The following ADAMTS3 variants were observed in gnomAD, a reference collection of about 807,000 sequenced individuals.
ADAMTS3 encodes the protein ADAM metallopeptidase with thrombospondin type 1 motif 3, also known as A disintegrin and metalloproteinase with thrombospondin motifs 3.
A neutral mutation model predicts 129.0 loss-of-function variants in ADAMTS3; 73 were observed. That is an observed-to-expected ratio of 0.57 (90% confidence interval 0.47 to 0.69). ADAMTS3 has a LOEUF of 0.69. Among genes scored for constraint, ADAMTS3 ranks in the 30% least tolerant of loss-of-function variants. The pLI, the probability that ADAMTS3 is intolerant of heterozygous loss-of-function variation, is 0.00. For missense variants in ADAMTS3, 1,457 were observed against 1,514.5 expected (o/e 0.96, Z 0.63); for synonymous variants, 477 against 510.8 (o/e 0.93, Z 0.89).
intron 3 of ADAMTS3, among the ~76,000 whole-genome samples, chr4:72,484,373 T>G (rs1719521336): frequency 6.6e-6 from 1 of 152,220 alleles, no homozygotes; most frequent in African/African-American, 2.4e-5. Flanking sequence ...ACATTTACCC[T>G]TTCAAAACTT....
intron 4 of ADAMTS3, among the ~76,000 whole-genome samples, chr4:72,398,181 A>G (rs1457335543): frequency 6.6e-6 from 1 of 152,202 alleles, no homozygotes; most frequent in African/African-American, 2.4e-5. Flanking sequence ...GATGAGAGCC[A>G]TGTTGAGGGG....
At chr4:72,475,201 A>G (rs1424031027) in intron 3 of ADAMTS3, among the ~76,000 whole-genome samples, 4 of 151,998 alleles carry the variant, frequency 2.6e-5, no homozygotes, top group Admixed American at 6.5e-5. Flanking sequence ...ATGTAAATAT[A>G]ACATTAAAAG....
At chr4:72,493,381 C>T (rs1168398196) in intron 3 of ADAMTS3, among the ~76,000 whole-genome samples, 1 of 151,596 alleles carries the variant, frequency 6.6e-6, no homozygotes, top group Non-Finnish European at 1.5e-5. Flanking sequence ...CTTTTGTGTG[C>T]CTATTACACG....
At chr4:72,506,565 T>G (rs1720164292) in intron 3 of ADAMTS3, among the ~76,000 whole-genome samples, 1 of 152,206 alleles carries the variant, frequency 6.6e-6, no homozygotes, top group African/African-American at 2.4e-5. Context: ...GAACTCAGGT[T>G]AAAAATTGTG....
chr4:72,487,126 T>C (rs1156844024), intron 3 of ADAMTS3, among the ~76,000 whole-genome samples: 3 of 152,150 alleles, frequency 2.0e-5, no homozygotes, highest in East Asian at 3.9e-4. Context: ...AAGGTTGTTG[T>C]AGAAGATTTA....
intron 17 of ADAMTS3, among the ~76,000 whole-genome samples, chr4:72,301,168 A>G (rs1383159072): frequency 6.6e-6 from 1 of 152,232 alleles, no homozygotes; most frequent in Non-Finnish European, 1.5e-5. Context: ...TGTAAAATGT[A>G]TAACTCTAAA....
chr4:72,539,516 GA>G (rs1721269111), intron 3 of ADAMTS3, among the ~76,000 whole-genome samples: 1 of 96,462 alleles, frequency 1.0e-5, no homozygotes, highest in African/African-American at 3.8e-5. Flanking sequence ...AAAAAAAACA[GA>G]AAATAACAAG....
chr4:72,456,526 C>CACCAG (rs1718624561), intron 3 of ADAMTS3, among the ~76,000 whole-genome samples: 2 of 150,484 alleles, frequency 1.3e-5, no homozygotes, highest in South Asian at 4.2e-4. Context: ...GTATAACCTT[C>CACCAG]ACCAGCAGCA....
intron 15 of ADAMTS3, among the ~76,000 whole-genome samples, chr4:72,306,837 A>G (rs1719101111): frequency 6.6e-6 from 1 of 151,980 alleles, no homozygotes; most frequent in Non-Finnish European, 1.5e-5. Flanking sequence ...TATCATTCCT[A>G]TTACTGTAAA....
chr4:72,487,460 A>G (rs756877895), intron 3 of ADAMTS3, among the ~76,000 whole-genome samples: 1 of 152,114 alleles, frequency 6.6e-6, no homozygotes, highest in Admixed American at 6.6e-5. Context: ...AATCAGCAAA[A>G]CAAAATTTCA....
At chr4:72,526,593 T>TGTGTGTGA (rs1720814023) in intron 3 of ADAMTS3, among the ~76,000 whole-genome samples, 1 of 149,108 alleles carries the variant, frequency 6.7e-6, no homozygotes, top group Non-Finnish European at 1.5e-5. Context: ...TGTGTGTGTG[T>TGTGTGTGA]GTGTGTGTGT....
chr4:72,546,449 T>TA (rs34020308), intron 3 of ADAMTS3, among the ~76,000 whole-genome samples: 4,957 of 149,046 alleles, frequency 0.033, 286 homozygotes, highest in African/African-American at 0.11. Context: ...TTACAAATGT[T>TA]AAAAAAAAAA....
intron 15 of ADAMTS3, 103 bp from the exon 16 acceptor site, chr4:72,306,170 G>A (rs1719086020): frequency 2.8e-6 from 2 of 714,438 alleles, no homozygotes; most frequent in African/African-American, 1.9e-5. Context: ...GTGCAGAAGA[G>A]GGCATCCATA....
intron 2 of ADAMTS3, among the ~76,000 whole-genome samples, chr4:72,550,081 G>GGAAGAAGAAGAA (rs1182642409): frequency 2.3e-4 from 6 of 26,040 alleles, no homozygotes; most frequent in East Asian, 1.3e-3. Flanking sequence ...AAGAGGAAGA[G>GGAAGAAGAAGAA]GAAGAAGAAG....
chr4:72,304,490 A>T (rs1341280671), intron 16 of ADAMTS3, among the ~76,000 whole-genome samples: 1 of 152,120 alleles, frequency 6.6e-6, no homozygotes, highest in Non-Finnish European at 1.5e-5. Context: ...TGTAACGGTT[A>T]ATTATTGCAT....
Position 72,439,474 on chromosome 4 carries a change from T to C in ADAMTS3, c.505-24503A>G, listed in dbSNP as rs142985765. ...CAAATAATAGTCATCAGTTTCCTTA[T>C]TTTTTTCCTTTTTTTAAGATGAAGC... On this transcript the variant is annotated intron_variant, in intron 3 of 21. Transcript: ENST00000286657. Among the ~76,000 whole-genome samples, 797 of 151,782 alleles carry C rather than the reference T, an allele frequency of 5.3e-3. 2 individuals are homozygous for C. The highest frequency in any genetic ancestry group is 8.2e-3 in the Admixed American group (124 of 15,198).
intron 4 of ADAMTS3, among the ~76,000 whole-genome samples, chr4:72,404,128 T>G (rs79787641): frequency 0.045 from 6,810 of 152,184 alleles, 173 homozygotes; most frequent in Non-Finnish European, 0.052. Flanking sequence ...CAATCCCTAT[T>G]AAGATGCCAG....
chr4:72,450,996 G>GAAGAGAAGAGAAGAA (rs984117212), intron 3 of ADAMTS3, among the ~76,000 whole-genome samples: 1 of 150,482 alleles, frequency 6.6e-6, no homozygotes, highest in African/African-American at 2.4e-5. Context: ...GAAGAGAAGA[G>GAAGAGAAGAGAAGAA]AAGAGAAGAG....
chr4:72,329,881 C>T (rs1719800451), intron 5 of ADAMTS3, among the ~76,000 whole-genome samples: 1 of 152,098 alleles, frequency 6.6e-6, no homozygotes, highest in African/African-American at 2.4e-5. Context: ...CTAACCTTTA[C>T]ATGTCAGTGT....
Sources: allele counts gnomAD v4.1 joint callset (sites outside exome capture counted in the v4.1 genomes callset), GRCh38; gene constraint gnomAD v4.1.1; transcripts MANE v1.5; gene names NCBI Gene and HGNC (gene_info 2026-07-23, HGNC 2026-07-21).